The following PRUNE2 variants were observed in gnomAD, a reference collection of about 807,000 sequenced individuals.
PRUNE2 encodes the protein prune homolog 2 with BCH domain.
In PRUNE2, 164 loss-of-function variants were observed where a neutral mutation model predicts 252.0. That is an observed-to-expected ratio of 0.65 (90% confidence interval 0.57 to 0.74). PRUNE2 has a LOEUF of 0.74. Ranked by LOEUF, PRUNE2 falls within the 30% of genes least tolerant of loss-of-function variation. The pLI, the probability that PRUNE2 is intolerant of heterozygous loss-of-function variation, is 0.00. For missense variants in PRUNE2, 3,495 were observed against 3,711.0 expected (o/e 0.94, Z 1.51); for synonymous variants, 1,292 against 1,350.2 (o/e 0.96, Z 0.94).
intron 6 of PRUNE2, among the ~76,000 whole-genome samples, chr9:76,718,033 C>T (rs1237774898): frequency 6.6e-6 from 1 of 151,934 alleles, no homozygotes; most frequent in South Asian, 2.1e-4. Flanking sequence ...GAAGTTGATG[C>T]TCATTATAAC....
chr9:76,719,379 T>G (rs2047428303), intron 6 of PRUNE2, among the ~76,000 whole-genome samples: 1 of 152,186 alleles, frequency 6.6e-6, no homozygotes, highest in Non-Finnish European at 1.5e-5. Flanking sequence ...GGATAATAAA[T>G]AGATCTGAAC....
At chr9:76,652,290 T>C (rs531280125) in intron 11 of PRUNE2, 193 bp downstream of exon 11, 10 of 579,488 alleles carry the variant, frequency 1.7e-5, no homozygotes, top group African/African-American at 1.5e-4. Context: ...GCAATGGTTA[T>C]GTATGGCCTC....
intron 1 of PRUNE2, among the ~76,000 whole-genome samples, chr9:76,879,655 G>A (rs1402325542): frequency 6.6e-6 from 1 of 151,684 alleles, no homozygotes; most frequent in Non-Finnish European, 1.5e-5. Context: ...TTTCAATAAG[G>A]TGACCAAAGA....
chr9:76,637,310 C>T, intron 14 of PRUNE2, 108 bp downstream of exon 14: 1 of 1,066,614 alleles, frequency 9.4e-7, no homozygotes, highest in Non-Finnish European at 1.4e-6. Context: ...CTTATTGAGA[C>T]TTGGTTTCTT....
intron 6 of PRUNE2, chr9:76,819,397 T>C (rs117115271): frequency 0.021 from 3,221 of 152,332 alleles, 30 homozygotes; most frequent in East Asian, 0.07. Flanking sequence ...GTGATGCTTC[T>C]ATGCACCAAG....
At chr9:76,725,101 C>A (rs2047996809) in intron 6 of PRUNE2, among the ~76,000 whole-genome samples, 1 of 152,200 alleles carries the variant, frequency 6.6e-6, no homozygotes, top group African/African-American at 2.4e-5. Context: ...GCTTTATTTT[C>A]CTTTGTAAAA....
Position 76,898,305 on chromosome 9 carries a change from C to G in PRUNE2, c.36+7623G>C, listed in dbSNP as rs114214307. 5.6e-3 allele frequency among the ~76,000 whole-genome samples: 852 copies of G among 152,312 alleles called. 8 individuals are homozygous for G. The highest frequency in any genetic ancestry group is 0.018 in the African/African-American group (758 of 41,564). Reference sequence around the variant, plus strand: ...CTCTGCCAGGGACTGCCTCACAGTTCCCCATTTATGGGCTCAGATATAAGG... The same window carrying G: ...CTCTGCCAGGGACTGCCTCACAGTTGCCCATTTATGGGCTCAGATATAAGG... On this transcript the variant is annotated intron_variant, in intron 1 of 18. Coordinates refer to ENST00000376718, the MANE Select transcript of PRUNE2 (RefSeq NM_015225.3).
Position 76,854,109 on chromosome 9 carries a change from C to A in PRUNE2, c.136G>T (p.Asp46Tyr). 2 of 1,559,120 alleles carry A rather than the reference C, an allele frequency of 1.3e-6. No individual in the cohort carries two copies. Among genetic ancestry groups the A allele is most frequent in the Non-Finnish European group, 1.8e-6 (2 of 1,135,830 alleles). Residue 46 changes from aspartate (D) to tyrosine (Y), a missense_variant, in exon 2 of 19, where the codon GAC (aspartate) becomes TAC (tyrosine). Asp to Tyr is a radical substitution (Grantham distance 160). Transcript: ENST00000376718. ...ATTACCCTTTTTTCCCTCACCTTGT[C>A]TAGAAAGTAAGCATATGTGAAGGTA... Reference protein sequence around the residue: ...ISTFTYAYFLDKVSPPGVLCL... With the variant: ...ISTFTYAYFLYKVSPPGVLCL...
Position 76,708,822 on chromosome 9 carries a change from C to G in PRUNE2, c.3452G>C (p.Gly1151Ala). 6.2e-7 allele frequency: 1 copy of G among 1,613,916 alleles called. No individual in the cohort carries two copies. Among genetic ancestry groups the G allele is most frequent in the Non-Finnish European group, 8.5e-7 (1 of 1,179,890 alleles). The change falls in exon 8 of 19, where the codon GGT (glycine) becomes GCT (alanine). Residue 1151 changes from glycine (G) to alanine (A), a missense_variant. Physicochemically the swap from Gly to Ala is moderately conservative, Grantham distance 60 (BLOSUM62 0). Transcript: ENST00000376718. ...CSGGAAIPSD[G>A]QTEGYMAEGS... is the part of the protein sequence containing the mutation. ...TTCAGCCATGTATCCTTCTGTTTGA[C>G]CATCACTGGGGATTGCCGCACCCCC...
chr9:76,740,662 CCTTG>C (rs1668797189), intron 6 of PRUNE2, among the ~76,000 whole-genome samples: 2 of 151,972 alleles, frequency 1.3e-5, no homozygotes, highest in Non-Finnish European at 2.9e-5. Context: ...CAAATGTTTT[CCTTG>C]CTTAAGAATA....
chr9:76,726,255 G>C (rs1429688744), intron 6 of PRUNE2, among the ~76,000 whole-genome samples: 1 of 152,218 alleles, frequency 6.6e-6, no homozygotes. Context: ...AGATTGGAAA[G>C]ACCACAAATC....
intron 9 of PRUNE2, chr9:76,692,451 C>G (rs1813957721): frequency 3.3e-6 from 1 of 307,622 alleles, no homozygotes; most frequent in Admixed American, 6.0e-5. Flanking sequence ...ATTTAGTTCT[C>G]TTGAAACCTC....
At position 76,710,720 on chromosome 9, in the gene PRUNE2, TG is replaced by T; in HGVS notation, c.1553del (p.Ala518GlufsTer68). The stretch of plus-strand genomic sequence containing the variant: ...GGTCACTGTTGGGGAAGAAGTCATC[TG>T]CTGGGGAGTAGTCTGCAGAATGAGA... ...QSSHSADYSP[A>X]DDFFPNSDLS... On this transcript the variant is annotated frameshift_variant, in exon 8 of 19. Transcript: ENST00000376718. LOFTEE classifies it high-confidence loss of function. The T allele has an allele frequency of 6.2e-7, 1 of 1,612,816 alleles. No homozygotes were observed. The highest frequency in any genetic ancestry group is 8.5e-7 in the Non-Finnish European group (1 of 1,179,386).
At chr9:76,617,764 C>T (rs72730647) in intron 18 of PRUNE2, among the ~76,000 whole-genome samples, 171 of 152,208 alleles carry the variant, frequency 1.1e-3, no homozygotes, top group Middle Eastern at 3.4e-3. Flanking sequence ...AACAGCCCTA[C>T]GTAGGAATAA....
At chr9:76,720,908 T>C (rs923850923) in intron 6 of PRUNE2, among the ~76,000 whole-genome samples, 1 of 152,008 alleles carries the variant, frequency 6.6e-6, no homozygotes, top group African/African-American at 2.4e-5. Context: ...GATCAGGAGA[T>C]CGAGACCACG....
chr9:76,826,466 C>T (rs2058351830), intron 5 of PRUNE2, 114 bp downstream of exon 5: 2 of 793,686 alleles, frequency 2.5e-6, no homozygotes, highest in Non-Finnish European at 3.9e-6. Context: ...GAGTGAGACT[C>T]TGTATAAAAA....
At chr9:76,716,273 A>G (rs969226682) in intron 6 of PRUNE2, among the ~76,000 whole-genome samples, 1 of 152,222 alleles carries the variant, frequency 6.6e-6, no homozygotes, top group Non-Finnish European at 1.5e-5. Context: ...CGATGGACTC[A>G]AGTCCAAAAG....
At chr9:76,651,279 T>C (rs1164760990) in intron 11 of PRUNE2, among the ~76,000 whole-genome samples, 1 of 152,210 alleles carries the variant, frequency 6.6e-6, no homozygotes, top group Non-Finnish European at 1.5e-5. Flanking sequence ...CATTTCCTTT[T>C]TGAGGAAATA....
chr9:76,905,783 G>T, intron 1 of PRUNE2, 145 bp downstream of exon 1: 3 of 1,036,122 alleles, frequency 2.9e-6, no homozygotes, highest in Non-Finnish European at 3.0e-6. Flanking sequence ...GAGTTCCTGA[G>T]ATTTCTTCCA....
Sources: gnomAD v4.1 joint callset for allele counts (sites outside exome capture counted in the v4.1 genomes callset) on GRCh38, gnomAD v4.1.1 for gene constraint, MANE v1.5 for transcripts, NCBI Gene and HGNC (gene_info 2026-07-23, HGNC 2026-07-21) for gene names.